RNF111: variants seen among roughly 807,000 people sequenced by gnomAD.
RNF111 encodes the protein E3 ubiquitin-protein ligase Arkadia.
RNF111 carries 17 observed loss-of-function variants against 95.1 expected under a neutral mutation model. That is an observed-to-expected ratio of 0.18 (90% confidence interval 0.12 to 0.27). The LOEUF (loss-of-function observed/expected upper bound fraction) is 0.27, where lower values mean the gene tolerates loss of function less well. RNF111 is among the 10% of genes least tolerant of loss of function. RNF111 has a pLI of 1.00. For missense variants in RNF111, 1,189 were observed against 1,210.4 expected, an observed-to-expected ratio of 0.98 and a Z score of 0.26; for synonymous variants, 440 against 414.8, an observed-to-expected ratio of 1.06 and a Z score of -0.74.
chr15:59,032,953 G>C lies in RNF111; in HGVS notation c.880+1251G>C, dbSNP rs57093568. Among the ~76,000 whole-genome samples, 702 of 152,254 alleles carry C rather than the reference G, an allele frequency of 4.6e-3. 3 individuals carry two copies. The highest frequency in any genetic ancestry group is 0.016 in the African/African-American group (656 of 41,538). On this transcript the variant is annotated intron_variant, in intron 2 of 13. Coordinates refer to ENST00000348370, the MANE Select transcript of RNF111 (RefSeq NM_017610.8). ...TTTAAGTAGAATAAGTTTATTTGCA[G>C]ACAGTCCTGAAATGTATGTTCCATG...
intron 1 of RNF111, among the ~76,000 whole-genome samples, chr15:59,009,613 C>T (rs1369114006): frequency 6.6e-6 from 1 of 151,658 alleles, no homozygotes; most frequent in Non-Finnish European, 1.5e-5. Context: ...GAACTTGGAG[C>T]ATTTGTGAGT....
At chr15:59,076,297 C>A (rs1380627777) in intron 7 of RNF111, 82 bp downstream of exon 7, 1 of 1,468,612 alleles carries the variant, frequency 6.8e-7, no homozygotes, top group Non-Finnish European at 9.2e-7. Context: ...AACCTTTAAT[C>A]CCAGTTCTTA....
At chr15:59,086,312 G>T (rs1447161818) in intron 10 of RNF111, among the ~76,000 whole-genome samples, 3 of 151,976 alleles carry the variant, frequency 2.0e-5, no homozygotes, top group African/African-American at 7.3e-5. Context: ...TAGAGATGGG[G>T]TTTCACCATT....
Position 58,987,699 on chromosome 15 carries a change from AGGC to A in RNF111, c.-375_-373del, listed in dbSNP as rs776536752. ...CTCCTCGGTAGGGGAGGAATTGGTTAGGCGGCGGCGGCGGCGAAGCGGCGGCGG... is the reference window on the plus strand; with the variant it reads ...CTCCTCGGTAGGGGAGGAATTGGTTAGGCGGCGGCGGCGAAGCGGCGGCGG... On this transcript the variant is annotated 5_prime_UTR_variant, in exon 1 of 14. Transcript: ENST00000348370. The A allele has an allele frequency of 1.5e-4, 27 of 178,894 alleles. No homozygotes were observed. Among genetic ancestry groups the A allele is most frequent in the South Asian group, 4.7e-4 (4 of 8,584 alleles). 11.1% of individuals were successfully genotyped at this position (178,894 alleles called of 1,614,324 possible).
intron 6 of RNF111, among the ~76,000 whole-genome samples, chr15:59,071,367 G>A (rs2042919159): frequency 6.6e-6 from 1 of 151,022 alleles, no homozygotes; most frequent in Non-Finnish European, 1.5e-5. Context: ...AGGTGAAAGT[G>A]TTTTGCTTAG....
chr15:59,095,646 C>G lies in RNF111; in HGVS notation c.*746C>G, dbSNP rs2079164821. On this transcript the variant is annotated 3_prime_UTR_variant, in exon 14 of 14. Coordinates refer to ENST00000348370, the MANE Select transcript of RNF111 (RefSeq NM_017610.8). ...CCTACATCATTTAGAATTTTATTTC[C>G]CTGATTCAGTTTTTGCTGCTGTGAA... is the stretch of plus-strand genomic sequence containing the variant. The G allele has an allele frequency of 5.5e-6, 1 of 181,296 alleles. No individual in the cohort carries two copies. The highest frequency in any genetic ancestry group is 6.2e-5 in the Admixed American group (1 of 16,142). The allele number at this position is 181,296 out of a possible 1,614,324, so 11.2% of individuals were successfully genotyped here.
intron 10 of RNF111, among the ~76,000 whole-genome samples, chr15:59,089,290 G>T (rs754429185): frequency 2.0e-5 from 3 of 152,188 alleles, no homozygotes; most frequent in Non-Finnish European, 4.4e-5. Context: ...TACTTTGGCT[G>T]TTAGGAAGCT....
At chr15:59,021,416 G>A (rs1419736540) in intron 1 of RNF111, among the ~76,000 whole-genome samples, 1 of 152,158 alleles carries the variant, frequency 6.6e-6, no homozygotes, top group African/African-American at 2.4e-5. Flanking sequence ...CTCCCAAAGT[G>A]TTGGGATTAT....
chr15:59,029,020 T>G (rs1345106655), intron 1 of RNF111, among the ~76,000 whole-genome samples: 3 of 152,154 alleles, frequency 2.0e-5, no homozygotes, highest in Non-Finnish European at 4.4e-5. Context: ...CCTCCAGTGA[T>G]CCGCCCGCCT....
rs200802668 is a variant in RNF111 at position 59,091,154 on chromosome 15, G to A, written c.2739G>A (p.Lys913=). 3 of 1,556,874 alleles carry A rather than the reference G, an allele frequency of 1.9e-6. No homozygotes were observed. ...ERCTYPHKYK[K]RKLHCKQDGE... ...GTACATATCCACATAAATACAAAAA[G>A]GTAAGAATTTATTCTATGAAACTTC... Residue 913 remains lysine (K), a splice_region_variant and synonymous_variant, in exon 12 of 14, where the codon AAG becomes AAA. Coordinates refer to ENST00000348370, the MANE Select transcript of RNF111 (RefSeq NM_017610.8).
At chr15:59,072,500 C>G (rs1046831514) in intron 6 of RNF111, among the ~76,000 whole-genome samples, 7 of 133,540 alleles carry the variant, frequency 5.2e-5, no homozygotes, top group African/African-American at 2.0e-4. Flanking sequence ...GTTGCCCAGG[C>G]TGGAGTGCAG....
intron 1 of RNF111, among the ~76,000 whole-genome samples, chr15:59,019,684 C>T (rs2414618): frequency 0.31 from 47,153 of 152,002 alleles, 7,421 homozygotes; most frequent in Middle Eastern, 0.42. Flanking sequence ...TTAAGCCAGG[C>T]GTGGTGGCTT....
intron 6 of RNF111, among the ~76,000 whole-genome samples, chr15:59,070,072 G>T (rs940392059): frequency 1.1e-5 from 1 of 91,198 alleles, no homozygotes; most frequent in Admixed American, 1.7e-4. Context: ...AGAGGATCTT[G>T]CCTTGTTTCT....
At chr15:59,060,809 T>G (rs1323931916) in intron 5 of RNF111, among the ~76,000 whole-genome samples, 10 of 148,372 alleles carry the variant, frequency 6.7e-5, no homozygotes, top group African/African-American at 2.5e-4. Flanking sequence ...TTATTATTAT[T>G]TTTTTTTTTG....
intron 1 of RNF111, among the ~76,000 whole-genome samples, chr15:59,023,801 A>G (rs1048723636): frequency 6.6e-6 from 1 of 152,036 alleles, no homozygotes; most frequent in African/African-American, 2.4e-5. Context: ...TTCCCCCTGA[A>G]TTATGTATGC....
chr15:58,993,715 A>C (rs375831685), intron 1 of RNF111, among the ~76,000 whole-genome samples: 27 of 152,282 alleles, frequency 1.8e-4, no homozygotes, highest in African/African-American at 6.5e-4. Flanking sequence ...CAGGCTCTTA[A>C]CACCTGCCTG....
At chr15:59,073,081 G>C (rs576299961) in intron 6 of RNF111, among the ~76,000 whole-genome samples, 2 of 152,162 alleles carry the variant, frequency 1.3e-5, no homozygotes, top group African/African-American at 4.8e-5. Flanking sequence ...CTGAAGTTGG[G>C]AGGATTGCTT....
At chr15:59,021,242 G>T (rs139352097) in intron 1 of RNF111, among the ~76,000 whole-genome samples, 1 of 152,046 alleles carries the variant, frequency 6.6e-6, no homozygotes, top group Non-Finnish European at 1.5e-5. Context: ...ACTCCGCCTC[G>T]TGAGTTCAAG....
intron 1 of RNF111, among the ~76,000 whole-genome samples, chr15:59,022,483 A>G (rs926563127): frequency 1.3e-5 from 2 of 152,278 alleles, no homozygotes; most frequent in East Asian, 3.9e-4. Context: ...TCTCCATTTA[A>G]CTGTATTTTC....
Sources: gnomAD v4.1 joint callset for allele counts (sites outside exome capture counted in the v4.1 genomes callset) on GRCh38, gnomAD v4.1.1 for gene constraint, MANE v1.5 for transcripts, NCBI Gene and HGNC (gene_info 2026-07-23, HGNC 2026-07-21) for gene names.